MPP7: variants seen among roughly 807,000 people sequenced by gnomAD.
The protein encoded by MPP7 is MAGUK p55 scaffold protein 7.
A neutral mutation model predicts 76.5 loss-of-function variants in MPP7; 60 were observed. That is an observed-to-expected ratio of 0.78 (90% CI 0.64 to 0.97). The LOEUF (loss-of-function observed/expected upper bound fraction) is 0.97, where lower values mean the gene tolerates loss of function less well. Among genes scored for constraint, MPP7 ranks in the 50% least tolerant of loss-of-function variants. The pLI is 0.00. For synonymous variants in MPP7, 237 were observed against 244.5 expected, an observed-to-expected ratio of 0.97 and a Z score of 0.29; for missense variants, 641 against 694.0, an observed-to-expected ratio of 0.92 and a Z score of 0.86.
chr10:28,119,278 A>G (rs1281333060), intron 11 of MPP7, among the ~76,000 whole-genome samples: 3 of 151,968 alleles, frequency 2.0e-5, no homozygotes, highest in African/African-American at 7.2e-5. Context: ...AAAATGGTAG[A>G]TTTTTTTTCT....
At chr10:28,123,896 A>G in intron 8 of MPP7, 135 bp downstream of exon 8, 4 of 625,778 alleles carry the variant, frequency 6.4e-6, no homozygotes, top group Non-Finnish European at 1.1e-5. Flanking sequence ...TTTTCCAAGA[A>G]CACACAGGGA....
upstream of MPP7, chr10:28,303,561 C>A (rs1312569292): frequency 6.6e-6 from 1 of 151,920 alleles, no homozygotes; most frequent in African/African-American, 2.4e-5. Flanking sequence ...TTGTTATGCA[C>A]GAAAAAAGAC....
chr10:28,151,225 G>A (rs1323697847), intron 3 of MPP7, among the ~76,000 whole-genome samples: 1 of 152,014 alleles, frequency 6.6e-6, no homozygotes, highest in Non-Finnish European at 1.5e-5. Flanking sequence ...AAAGCTTCAG[G>A]GAAAGAATTT....
intron 2 of MPP7, among the ~76,000 whole-genome samples, chr10:28,223,010 T>G (rs1395127207): frequency 6.6e-6 from 1 of 151,400 alleles, no homozygotes; most frequent in Non-Finnish European, 1.5e-5. Context: ...GGCAGGTGCC[T>G]GTAGTCCCAG....
At chr10:28,089,964 A>G (rs1853217590) in intron 11 of MPP7, 123 bp from the exon 12 acceptor site, 1 of 611,968 alleles carries the variant, frequency 1.6e-6, no homozygotes, top group Admixed American at 3.0e-5. Context: ...TTAAAGTTAA[A>G]ACCCTAATGT....
intron 2 of MPP7, 62 bp downstream of exon 2, chr10:28,238,506 T>C (rs1372106905): frequency 6.4e-7 from 1 of 1,552,436 alleles, no homozygotes; most frequent in Non-Finnish European, 8.9e-7. Context: ...CATGCTGTAT[T>C]TCACTGTGAA....
intron 3 of MPP7, among the ~76,000 whole-genome samples, chr10:28,168,800 G>A (rs1229305924): frequency 6.6e-6 from 1 of 152,176 alleles, no homozygotes; most frequent in Non-Finnish European, 1.5e-5. Context: ...TTACAGGTGT[G>A]AGCCACAGTG....
chr10:28,115,713 T>A lies in MPP7; in HGVS notation c.952+3938A>T, dbSNP rs544883500. Reference sequence around the variant, plus strand: ...GCAGTGAATTCGTTATTTTACTCAATGCTTAAATTCTTTTTTGCCTATTGT... The same window carrying A: ...GCAGTGAATTCGTTATTTTACTCAAAGCTTAAATTCTTTTTTGCCTATTGT... On this transcript the variant is annotated intron_variant, in intron 11 of 16. Coordinates refer to ENST00000683449, the MANE Select transcript of MPP7 (RefSeq NM_001318170.2). Among the ~76,000 whole-genome samples, 35 of 152,360 alleles carry A rather than the reference T, an allele frequency of 2.3e-4. No homozygotes were observed. The South Asian group carries it at 7.0e-3, about 31-fold the overall frequency.
chr10:28,093,583 A>T (rs564387882), intron 11 of MPP7, among the ~76,000 whole-genome samples: 1 of 151,852 alleles, frequency 6.6e-6, no homozygotes, highest in East Asian at 1.9e-4. Flanking sequence ...AGTAGCTGGG[A>T]CTACAGACGC....
chr10:28,262,277 ATTTT>A (rs1195166638), intron 1 of MPP7, among the ~76,000 whole-genome samples: 2 of 54,352 alleles, frequency 3.7e-5, no homozygotes, highest in Admixed American at 2.8e-4. Context: ...ATATATATAT[ATTTT>A]TTTTTTTTTC....
At chr10:28,130,286 T>C (rs1835151323) in intron 6 of MPP7, among the ~76,000 whole-genome samples, 1 of 152,148 alleles carries the variant, frequency 6.6e-6, no homozygotes, top group Non-Finnish European at 1.5e-5. Context: ...AAGAGGTACA[T>C]TTCCTGATTT....
chr10:28,239,156 T>TA (rs1206626020), intron 1 of MPP7, among the ~76,000 whole-genome samples: 9 of 151,794 alleles, frequency 5.9e-5, no homozygotes, highest in East Asian at 1.9e-4. Context: ...TTTTTATTTT[T>TA]TTTTTTGATA....
intron 1 of MPP7, among the ~76,000 whole-genome samples, chr10:28,294,026 G>A (rs1275077367): frequency 6.6e-6 from 1 of 152,160 alleles, no homozygotes; most frequent in Non-Finnish European, 1.5e-5. Flanking sequence ...TGCGTTCAAG[G>A]GCTGGGCGTG....
At chr10:28,287,109 C>T (rs1392877175) in intron 1 of MPP7, among the ~76,000 whole-genome samples, 2 of 152,028 alleles carry the variant, frequency 1.3e-5, no homozygotes, top group African/African-American at 4.8e-5. Context: ...GGGTATTTGG[C>T]ACACACTTTC....
chr10:28,158,213 T>C (rs2985533), intron 3 of MPP7, among the ~76,000 whole-genome samples: 138,343 of 152,172 alleles, frequency 0.91, 62,939 homozygotes, highest in South Asian at 0.95. Flanking sequence ...GTGTTAAGTC[T>C]CATGTTCTAA....
chr10:28,302,110 A>G (rs1053291403), intron 1 of MPP7, among the ~76,000 whole-genome samples: 4 of 152,028 alleles, frequency 2.6e-5, no homozygotes, highest in African/African-American at 9.7e-5. Context: ...AAAAAATCAC[A>G]ATTCTACTCC....
intron 12 of MPP7, among the ~76,000 whole-genome samples, chr10:28,076,928 T>C (rs1435082756): frequency 6.6e-6 from 1 of 151,898 alleles, no homozygotes; most frequent in African/African-American, 2.4e-5. Flanking sequence ...CCAGCCTGCC[T>C]TGTCCCTCAA....
intron 1 of MPP7, among the ~76,000 whole-genome samples, chr10:28,264,860 C>T (rs1840093357): frequency 6.6e-6 from 1 of 152,122 alleles, no homozygotes; most frequent in South Asian, 2.1e-4. Context: ...GATTAATTCA[C>T]CAGTACCATC....
intron 2 of MPP7, among the ~76,000 whole-genome samples, chr10:28,226,592 A>C (rs1317592527): frequency 3.3e-5 from 5 of 152,160 alleles, no homozygotes; most frequent in Admixed American, 3.3e-4. Flanking sequence ...ATGGGGTGAA[A>C]AGAATGTTTA....
Sources: gnomAD v4.1 joint callset for allele counts (sites outside exome capture counted in the v4.1 genomes callset) on GRCh38, gnomAD v4.1.1 for gene constraint, MANE v1.5 for transcripts, NCBI Gene and HGNC (gene_info 2026-07-23, HGNC 2026-07-21) for gene names.